NUMB: variants seen among roughly 807,000 people sequenced by gnomAD.
The protein encoded by NUMB is NUMB endocytic adaptor protein.
Under a neutral mutation model 59.7 loss-of-function variants are expected in NUMB, and 29 were observed. The observed-to-expected ratio is 0.49, with a 90% CI of 0.36 to 0.66. The LOEUF is 0.66. Ranked by LOEUF, NUMB falls within the 30% of genes least tolerant of loss-of-function variation. The pLI is 0.00. For missense variants in NUMB, 723 were observed against 822.0 expected (o/e 0.88, Z 1.47); for synonymous variants, 288 against 288.2 (o/e 1.00, Z 0.01).
intron 2 of NUMB, among the ~76,000 whole-genome samples, chr14:73,398,012 G>C (rs1406392055): frequency 6.6e-6 from 1 of 152,052 alleles, no homozygotes; most frequent in Non-Finnish European, 1.5e-5. Flanking sequence ...TTTACAAAAC[G>C]AAGCATTAAC....
At chr14:73,292,612 C>T in intron 8 of NUMB, 122 bp downstream of exon 8, 1 of 857,428 alleles carries the variant, frequency 1.2e-6, no homozygotes, top group Non-Finnish European at 1.8e-6. Context: ...TGAAAGTAGG[C>T]TAGTTTAGGC....
intron 4 of NUMB, among the ~76,000 whole-genome samples, chr14:73,331,542 C>T (rs983692303): frequency 3.3e-5 from 5 of 151,734 alleles, no homozygotes; most frequent in Admixed American, 6.6e-5. Flanking sequence ...AGCAAGACTC[C>T]GTCTCAAAAA....
At chr14:73,345,578 A>T (rs142079688) in intron 4 of NUMB, among the ~76,000 whole-genome samples, 2 of 152,304 alleles carry the variant, frequency 1.3e-5, no homozygotes, top group East Asian at 3.9e-4. Context: ...TGTTTATGTC[A>T]GTTATAGCTA....
intron 1 of NUMB, among the ~76,000 whole-genome samples, chr14:73,436,684 C>T (rs1898066298): frequency 6.6e-6 from 1 of 152,046 alleles, no homozygotes; most frequent in Admixed American, 6.6e-5. Flanking sequence ...AAATGACACT[C>T]TTATAGAAAC....
intron 8 of NUMB, among the ~76,000 whole-genome samples, chr14:73,291,356 C>T (rs1363414370): frequency 6.6e-6 from 1 of 151,914 alleles, no homozygotes; most frequent in Admixed American, 6.6e-5. Context: ...GCTAGGATTA[C>T]AGGCGTGAGC....
chr14:73,370,430 G>A (rs1159544113), intron 2 of NUMB, among the ~76,000 whole-genome samples: 7 of 152,308 alleles, frequency 4.6e-5, no homozygotes, highest in East Asian at 1.9e-4. Flanking sequence ...GGTGGCTCAC[G>A]CTTGTAATCC....
chr14:73,334,949 C>CA (rs10700256), intron 4 of NUMB, among the ~76,000 whole-genome samples: 21,355 of 110,162 alleles, frequency 0.19, 2,387 homozygotes, highest in Non-Finnish European at 0.27. Flanking sequence ...AACTCTGTCT[C>CA]AAAAAAAAAA....
chr14:73,308,395 T>A (rs1474426691), intron 6 of NUMB, among the ~76,000 whole-genome samples: 2 of 152,114 alleles, frequency 1.3e-5, no homozygotes, highest in South Asian at 4.1e-4. Flanking sequence ...TGTGACATAT[T>A]AAAGTGTGAG....
chr14:73,408,889 A>G (rs1393028590), intron 2 of NUMB, among the ~76,000 whole-genome samples: 3 of 145,196 alleles, frequency 2.1e-5, no homozygotes, highest in Non-Finnish European at 4.5e-5. Flanking sequence ...AAAAAAAAAA[A>G]AAAGAAAGAA....
intron 2 of NUMB, among the ~76,000 whole-genome samples, chr14:73,373,938 G>A (rs530155176): frequency 2.6e-5 from 4 of 151,108 alleles, no homozygotes; most frequent in South Asian, 2.1e-4. Flanking sequence ...GTGTGATCTC[G>A]GCTCACTTCA....
intron 2 of NUMB, among the ~76,000 whole-genome samples, chr14:73,377,438 C>T (rs745993916): frequency 1.3e-5 from 2 of 151,934 alleles, no homozygotes; most frequent in Non-Finnish European, 2.9e-5. Flanking sequence ...GTCCAGAGTT[C>T]GAGACCAGCC....
intron 3 of NUMB, among the ~76,000 whole-genome samples, chr14:73,357,295 C>T (rs1893844945): frequency 2.0e-5 from 3 of 150,240 alleles, no homozygotes; most frequent in Non-Finnish European, 3.0e-5. Flanking sequence ...CCCAGCTACT[C>T]GGGAGGCTGA....
Position 73,437,043 on chromosome 14 carries a change from T to C in NUMB, c.-233+21450A>G, listed in dbSNP as rs564916192. ...GTACCTATATATTTTTTCTCTCTCT[T>C]TTTTTTTTTTTTTTTTTTTGTTGAG... On this transcript the variant is annotated intron_variant, in intron 1 of 12. Transcript: ENST00000555238. Among the ~76,000 whole-genome samples, 66 of 66,494 alleles carry C rather than the reference T, an allele frequency of 9.9e-4. 1 individual carries two copies. Among genetic ancestry groups the C allele is most frequent in the East Asian group, 3.5e-3 (13 of 3,698 alleles). The allele number at this position is 66,494 out of a possible 152,430, so 43.6% of individuals were successfully genotyped here. A position where few individuals can be genotyped will look rare whatever the true frequency, so the allele number is the denominator to read the frequency against.
At chr14:73,325,396 G>C (rs78742043) in intron 4 of NUMB, among the ~76,000 whole-genome samples, 9,835 of 152,134 alleles carry the variant, frequency 0.065, 790 homozygotes, top group African/African-American at 0.18. Flanking sequence ...CAAGGCCGCA[G>C]TGAGCTATGA....
intron 4 of NUMB, among the ~76,000 whole-genome samples, chr14:73,328,156 T>C (rs1217239170): frequency 1.3e-5 from 2 of 151,652 alleles, no homozygotes; most frequent in African/African-American, 4.8e-5. Context: ...GCTCCTGTAG[T>C]CCCAGCTACT....
intron 2 of NUMB, among the ~76,000 whole-genome samples, chr14:73,403,840 A>G (rs1896530808): frequency 6.6e-6 from 1 of 151,820 alleles, no homozygotes; most frequent in Non-Finnish European, 1.5e-5. Context: ...CATGCCTGTA[A>G]TTCCAGGACT....
chr14:73,442,340 T>C (rs1480932728), intron 1 of NUMB, among the ~76,000 whole-genome samples: 3 of 151,974 alleles, frequency 2.0e-5, no homozygotes, highest in Non-Finnish European at 4.4e-5. Flanking sequence ...ACCACTGCAC[T>C]CTGGACTGGG....
chr14:73,425,489 G>A (rs1184956828), intron 1 of NUMB, among the ~76,000 whole-genome samples: 1 of 152,026 alleles, frequency 6.6e-6, no homozygotes, highest in African/African-American at 2.4e-5. Context: ...TTACAAATGT[G>A]AGCCACTGCA....
At position 73,383,996 on chromosome 14, in the gene NUMB, G is replaced by A. The variant is rs192354817; in HGVS notation, c.-100-17015C>T. On this transcript the variant is annotated intron_variant, in intron 2 of 12. Transcript: ENST00000555238. Reference sequence around the variant, plus strand: ...CATGCCACTGCACTCCAGCCTGGGCGACAGAGTGAGACTCTGTCTCAAAAA... The same window carrying A: ...CATGCCACTGCACTCCAGCCTGGGCAACAGAGTGAGACTCTGTCTCAAAAA... 3.3e-3 allele frequency among the ~76,000 whole-genome samples: 498 copies of A among 151,998 alleles called. 1 individual carries two copies. Among genetic ancestry groups the A allele is most frequent in the African/African-American group, 0.011 (469 of 41,436 alleles).
Sources: gnomAD v4.1 joint callset for allele counts (sites outside exome capture counted in the v4.1 genomes callset) on GRCh38, gnomAD v4.1.1 for gene constraint, MANE v1.5 for transcripts, NCBI Gene and HGNC (gene_info 2026-07-23, HGNC 2026-07-21) for gene names.